The following WWOX variants were observed in gnomAD, a reference collection of about 807,000 sequenced individuals.
WWOX encodes WW domain containing oxidoreductase, also known as WW domain-containing oxidoreductase.
A neutral mutation model predicts 46.2 loss-of-function variants in WWOX; 69 were observed. The ratio of observed to expected loss-of-function variants is 1.49; its 90% CI spans 1.23 to 1.82. The LOEUF is 1.82. Ranked by LOEUF, WWOX falls within the 40% of genes most tolerant of loss-of-function variation. The pLI is 0.00. For missense variants in WWOX, 919 were observed against 542.6 expected, an observed-to-expected ratio of 1.69 and a Z score of -6.89; for synonymous variants, 359 against 202.6, an observed-to-expected ratio of 1.77 and a Z score of -6.56.
chr16:78,806,295 C>T (rs979211752), intron 8 of WWOX, among the ~76,000 whole-genome samples: 1 of 152,130 alleles, frequency 6.6e-6, no homozygotes, highest in South Asian at 2.1e-4. Context: ...TGAAGCATTT[C>T]CCTATTCTTT....
At chr16:78,639,520 G>T (rs1472438429) in intron 8 of WWOX, among the ~76,000 whole-genome samples, 2 of 152,082 alleles carry the variant, frequency 1.3e-5, no homozygotes, top group Non-Finnish European at 2.9e-5. Flanking sequence ...CTGGTGGTGG[G>T]TGGGATGGAG....
intron 5 of WWOX, among the ~76,000 whole-genome samples, chr16:78,240,077 G>T (rs1421158792): frequency 6.6e-6 from 1 of 152,130 alleles, no homozygotes; most frequent in Non-Finnish European, 1.5e-5. Flanking sequence ...CAGATGTAAC[G>T]TTATATGGAA....
At position 78,558,866 on chromosome 16, in the gene WWOX, C is replaced by T. The variant is rs3897811; in HGVS notation, c.1056+126114C>T. Among the ~76,000 whole-genome samples, 8 of 152,208 alleles carry T rather than the reference C, an allele frequency of 5.3e-5. No homozygotes were observed. The East Asian group carries it at 7.7e-4, about 15-fold the overall frequency. ...ATCCTAGACCCCTTCTCTCTACAAC[C>T]TTCAGTCTGAGTTGGGTACCTTGCA... On this transcript the variant is annotated intron_variant, in intron 8 of 8. Transcript: ENST00000566780.
At chr16:79,149,285 A>G (rs2050234788) in intron 8 of WWOX, among the ~76,000 whole-genome samples, 1 of 152,206 alleles carries the variant, frequency 6.6e-6, no homozygotes, top group South Asian at 2.1e-4. Context: ...TTGTATGCCA[A>G]TCTATATGAT....
At chr16:78,394,989 G>C (rs553282564) in intron 6 of WWOX, among the ~76,000 whole-genome samples, 5 of 152,196 alleles carry the variant, frequency 3.3e-5, no homozygotes, top group South Asian at 2.1e-4. Context: ...GTGCTTTGCA[G>C]GTTGTTGATT....
chr16:79,196,825 C>G (rs2051250368), intron 8 of WWOX, among the ~76,000 whole-genome samples: 1 of 152,086 alleles, frequency 6.6e-6, no homozygotes, highest in African/African-American at 2.4e-5. Context: ...AGCACAATTC[C>G]CTGGAGAGCT....
At chr16:78,845,000 C>G (rs1048631765) in intron 8 of WWOX, among the ~76,000 whole-genome samples, 2 of 152,210 alleles carry the variant, frequency 1.3e-5, no homozygotes, top group South Asian at 4.1e-4. Context: ...GAAAGGCTGT[C>G]TCCAACCATG....
At chr16:78,987,627 A>G (rs533117311) in intron 8 of WWOX, among the ~76,000 whole-genome samples, 10 of 152,166 alleles carry the variant, frequency 6.6e-5, no homozygotes, top group South Asian at 2.1e-4. Flanking sequence ...TCATGTTTCA[A>G]GTGGCTTTTT....
chr16:78,742,881 G>T (rs1488530174), intron 8 of WWOX, among the ~76,000 whole-genome samples: 2 of 152,122 alleles, frequency 1.3e-5, no homozygotes, highest in Non-Finnish European at 2.9e-5. Flanking sequence ...CCCAGTGTAG[G>T]GTCTGGTCAA....
chr16:78,227,906 G>T (rs2037120209), intron 5 of WWOX, among the ~76,000 whole-genome samples: 1 of 151,992 alleles, frequency 6.6e-6, no homozygotes, highest in South Asian at 2.1e-4. Flanking sequence ...CATACCGGGA[G>T]ATCTGGTTCT....
intron 5 of WWOX, among the ~76,000 whole-genome samples, chr16:78,185,545 A>G (rs1354128466): frequency 6.6e-6 from 1 of 151,758 alleles, no homozygotes; most frequent in Non-Finnish European, 1.5e-5. Flanking sequence ...AGAGCTTTAG[A>G]TATATTACTT....
At chr16:78,620,447 G>A (rs1484243117) in intron 8 of WWOX, among the ~76,000 whole-genome samples, 3 of 152,166 alleles carry the variant, frequency 2.0e-5, no homozygotes, top group African/African-American at 4.8e-5. Flanking sequence ...ATTCAAGGCC[G>A]AAACTTGGTC....
chr16:79,123,554 A>G (rs1054045854), intron 8 of WWOX, among the ~76,000 whole-genome samples: 2 of 152,010 alleles, frequency 1.3e-5, no homozygotes, highest in African/African-American at 4.8e-5. Flanking sequence ...TCCTTATGTA[A>G]GGATTAAGGA....
At chr16:78,420,081 A>C (rs56027007) in intron 6 of WWOX, among the ~76,000 whole-genome samples, 13,396 of 152,172 alleles carry the variant, frequency 0.088, 1,690 homozygotes, top group African/African-American at 0.28. Context: ...GATTCCACTT[A>C]TTGCTAGGAT....
At chr16:78,310,497 A>T (rs948718644) in intron 5 of WWOX, among the ~76,000 whole-genome samples, 4 of 152,230 alleles carry the variant, frequency 2.6e-5, no homozygotes, top group Non-Finnish European at 2.9e-5. Context: ...TTGGCTGTGT[A>T]TCTAAAGGAC....
intron 8 of WWOX, among the ~76,000 whole-genome samples, chr16:78,457,417 T>C (rs1009033364): frequency 6.6e-6 from 1 of 152,238 alleles, no homozygotes; most frequent in African/African-American, 2.4e-5. Context: ...TATTGCTTCG[T>C]GTCTTCCACG....
chr16:78,829,117 TGGA>T (rs1449429330), intron 8 of WWOX, among the ~76,000 whole-genome samples: 3 of 151,584 alleles, frequency 2.0e-5, no homozygotes, highest in African/African-American at 7.3e-5. Flanking sequence ...GATGGATGGA[TGGA>T]TGGATGGATG....
rs529055573 is a variant in WWOX, at chr16:78,851,374, A to G, written c.1057-360234A>G. 8.5e-5 allele frequency among the ~76,000 whole-genome samples: 13 copies of G among 152,348 alleles called. No homozygotes were observed. In the South Asian group the frequency reaches 1.5e-3, roughly 17 times the overall value. On this transcript the variant is annotated intron_variant, in intron 8 of 8. Coordinates refer to ENST00000566780, the MANE Select transcript of WWOX (RefSeq NM_016373.4). ...AATTTTCTTATAGGTGGAACTACAG[A>G]AAAAGAGTTTACTTATAGGCAGAAG... is the stretch of plus-strand genomic sequence containing the variant.
chr16:78,704,101 C>A (rs987430321), intron 8 of WWOX, among the ~76,000 whole-genome samples: 3 of 151,954 alleles, frequency 2.0e-5, no homozygotes, highest in African/African-American at 7.2e-5. Context: ...GTTGTTCCAC[C>A]CAGCACGTCA....
Sources: allele counts gnomAD v4.1 joint callset (sites outside exome capture counted in the v4.1 genomes callset), GRCh38; gene constraint gnomAD v4.1.1; transcripts MANE v1.5; gene names NCBI Gene and HGNC (gene_info 2026-07-23, HGNC 2026-07-21).